The following MAGI3 variants were observed in gnomAD, a reference collection of about 807,000 sequenced individuals.
MAGI3 encodes the protein membrane associated guanylate kinase, WW and PDZ domain containing 3.
In MAGI3, 43 loss-of-function variants were observed where a neutral mutation model predicts 121.8. That is an observed-to-expected ratio of 0.35 (90% CI 0.28 to 0.46). The LOEUF is 0.46. MAGI3 is among the 20% of genes least tolerant of loss of function. The pLI, the probability that MAGI3 is intolerant of heterozygous loss-of-function variation, is 1.00. For missense variants in MAGI3, 1,547 were observed against 1,797.3 expected (o/e 0.86, Z 2.52); for synonymous variants, 553 against 639.3 (o/e 0.86, Z 2.04).
Position 113,391,208 on chromosome 1 carries a change from G to A in MAGI3, c.175G>A (p.Val59Ile), listed in dbSNP as rs1350028039. 1.3e-6 allele frequency: 2 copies of A among 1,553,750 alleles called. No homozygotes were observed. Among genetic ancestry groups the A allele is most frequent in the African/African-American group, 2.7e-5 (2 of 73,152 alleles). Residue 59 changes from valine (V) to isoleucine (I), a missense_variant, in exon 1 of 21, where the codon GTC becomes ATC. Physicochemically the swap from Val to Ile is conservative, Grantham distance 29. Coordinates refer to ENST00000307546, the MANE Select transcript of MAGI3 (RefSeq NM_001142782.2). This position sits in a 1 kb window ranked among gnomAD's most constrained non-coding sequence, Gnocchi z 4.4. ...GGAGCCCGGCGGGGGCACCTGCTGCGTCGTCTCGGGCAAGGCGCCCAGCCC... is the reference window on the plus strand; with the variant it reads ...GGAGCCCGGCGGGGGCACCTGCTGCATCGTCTCGGGCAAGGCGCCCAGCCC... ...REEPGGGTCC[V>I]VSGKAPSPGD... is the part of the protein sequence containing the mutation.
chr1:113,615,717 A>G (rs1650419317), intron 7 of MAGI3, among the ~76,000 whole-genome samples: 1 of 152,184 alleles, frequency 6.6e-6, no homozygotes, highest in Non-Finnish European at 1.5e-5. Context: ...ACTTAAGTAT[A>G]TAACTTTAGA....
intron 1 of MAGI3, among the ~76,000 whole-genome samples, chr1:113,509,880 C>A (rs1657530124): frequency 6.7e-6 from 1 of 148,868 alleles, no homozygotes; most frequent in South Asian, 2.2e-4. Context: ...ACGAGCCTGG[C>A]CTGTCTCGCG....
At chr1:113,671,971 A>C in intron 17 of MAGI3, 135 bp downstream of exon 17, 1 of 758,290 alleles carries the variant, frequency 1.3e-6, no homozygotes. Context: ...CAAAATGACA[A>C]CTCTTGCCTG....
At chr1:113,438,306 T>C (rs933348463) in intron 1 of MAGI3, among the ~76,000 whole-genome samples, 1 of 152,120 alleles carries the variant, frequency 6.6e-6, no homozygotes, top group Admixed American at 6.5e-5. Context: ...AAGACCCCCA[T>C]TGGATGCCTG....
intron 4 of MAGI3, among the ~76,000 whole-genome samples, chr1:113,587,081 G>A (rs558785349): frequency 2.0e-5 from 3 of 152,148 alleles, no homozygotes; most frequent in Non-Finnish European, 4.4e-5. Context: ...AAAATACAAA[G>A]CACCCGCCTA....
chr1:113,671,703 T>G (rs773739111), intron 16 of MAGI3, 31 bp from the exon 17 acceptor site: 1 of 1,605,614 alleles, frequency 6.2e-7, no homozygotes, highest in South Asian at 1.1e-5. Flanking sequence ...ATGTACAAAT[T>G]CTTATTTCTA....
rs558396080 is a variant in MAGI3 at position 113,659,368 on chromosome 1, A to G, written c.2815+103A>G. The G allele has an allele frequency of 2.9e-6, 3 of 1,036,674 alleles. No individual in the cohort carries two copies. The South Asian group carries it at 4.6e-5, about 16-fold the overall frequency. The allele number at this position is 1,036,674 out of a possible 1,614,324, so 64.2% of individuals were successfully genotyped here. On this transcript the variant is annotated intron_variant, in intron 16 of 20. Coordinates refer to ENST00000307546, the MANE Select transcript of MAGI3 (RefSeq NM_001142782.2). ...GCACTGCCAGAATCACTGCGGGGAT[A>G]TAACTGTGTATGCACGCTGGAGTCT...
chr1:113,601,617 G>A lies in MAGI3; in HGVS notation c.1018+7057G>A, dbSNP rs531985906. ...GGAGAAATAGGACCACTGTTACACCGTTGGTGGGACTGTAAACTAGTTCAA... is the reference window on the plus strand; with the variant it reads ...GGAGAAATAGGACCACTGTTACACCATTGGTGGGACTGTAAACTAGTTCAA... On this transcript the variant is annotated intron_variant, in intron 6 of 20. Transcript: ENST00000307546. 8.5e-4 allele frequency among the ~76,000 whole-genome samples: 127 copies of A among 148,858 alleles called. 1 individual carries two copies. Among genetic ancestry groups the A allele is most frequent in the South Asian group, 8.0e-3 (36 of 4,508 alleles).
chr1:113,574,116 A>C (rs1647478533), intron 2 of MAGI3, among the ~76,000 whole-genome samples: 2 of 152,084 alleles, frequency 1.3e-5, no homozygotes. Flanking sequence ...TCCTGAATAC[A>C]GCACACCAAA....
chr1:113,504,375 A>T (rs983939936), intron 1 of MAGI3, among the ~76,000 whole-genome samples: 4 of 152,136 alleles, frequency 2.6e-5, no homozygotes, highest in African/African-American at 7.2e-5. Context: ...TGTTTAGAAG[A>T]TAACCCAATG....
intron 1 of MAGI3, among the ~76,000 whole-genome samples, chr1:113,527,079 TAGTA>T (rs1024314782): frequency 1.3e-5 from 2 of 152,150 alleles, no homozygotes; most frequent in Non-Finnish European, 2.9e-5. Context: ...GCCAGGTACA[TAGTA>T]AGTATCATAT....
chr1:113,425,221 ATAGGC>A (rs937859079), intron 1 of MAGI3, among the ~76,000 whole-genome samples: 3 of 151,878 alleles, frequency 2.0e-5, no homozygotes, highest in African/African-American at 4.8e-5. Flanking sequence ...ATCCAGTGAA[ATAGGC>A]TAGGCCTGGA....
In MAGI3 at chr1:113,585,498, G is replaced by A. The variant is rs972724562; in HGVS notation, c.665G>A (p.Arg222Gln). ...TTTGATGCAGAATCTCAAAGAAAAC[G>A]AACGACATCTGTCAGCAAGATGGAA... Reference protein sequence around the residue: ...NEFDAESQRKRTTSVSKMERM... With the variant: ...NEFDAESQRKQTTSVSKMERM... Residue 222 changes from arginine (R) to glutamine (Q), a missense_variant, in exon 4 of 21, where the codon CGA becomes CAA. By Grantham distance (43) the Arg-to-Gln change is conservative. Transcript: ENST00000307546. 5 of 1,613,922 alleles carry A rather than the reference G, an allele frequency of 3.1e-6. No homozygotes were observed. The highest frequency in any genetic ancestry group is 3.3e-5 in the Admixed American group (2 of 59,964).
chr1:113,472,480 T>G (rs1409796506), intron 1 of MAGI3, among the ~76,000 whole-genome samples: 1 of 152,228 alleles, frequency 6.6e-6, no homozygotes, highest in Non-Finnish European at 1.5e-5. Context: ...TTAATCCCTT[T>G]ACATTTAAAA....
intron 1 of MAGI3, among the ~76,000 whole-genome samples, chr1:113,419,002 T>TAA (rs990842364): frequency 6.6e-6 from 1 of 152,194 alleles, no homozygotes; most frequent in African/African-American, 2.4e-5. Flanking sequence ...TGTTGGCAGA[T>TAA]AAAGCTATTA....
At chr1:113,682,440 G>C (rs1418125538) in intron 20 of MAGI3, 1 of 1,385,496 alleles carries the variant, frequency 7.2e-7, no homozygotes, top group African/African-American at 1.5e-5. Flanking sequence ...CTTAATGCAA[G>C]AGAATTATTA....
intron 9 of MAGI3, among the ~76,000 whole-genome samples, chr1:113,641,584 T>A (rs1211090833): frequency 6.6e-6 from 1 of 152,076 alleles, no homozygotes; most frequent in Non-Finnish European, 1.5e-5. Flanking sequence ...TGTGCCTAGC[T>A]TTGCATGGAT....
chr1:113,419,298 C>T (rs1286017452), intron 1 of MAGI3, among the ~76,000 whole-genome samples: 1 of 152,014 alleles, frequency 6.6e-6, no homozygotes, highest in Non-Finnish European at 1.5e-5. Flanking sequence ...ACTCTTAAAT[C>T]CTTATAGATG....
chr1:113,644,373 G>A (rs532705784), intron 11 of MAGI3, among the ~76,000 whole-genome samples: 42 of 151,780 alleles, frequency 2.8e-4, no homozygotes, highest in South Asian at 1.2e-3. Flanking sequence ...CTCCGCCTCC[G>A]GGGTTCAAGC....
Sources: gnomAD v4.1 joint callset for allele counts (sites outside exome capture counted in the v4.1 genomes callset) on GRCh38, gnomAD v4.1.1 for gene constraint, Gnocchi (gnomAD v3.1) non-coding constraint, MANE v1.5 for transcripts, NCBI Gene and HGNC (gene_info 2026-07-23, HGNC 2026-07-21) for gene names.